Variants in COL6A6 observed in about 807,000 individuals in gnomAD.
The protein encoded by COL6A6 is collagen type VI alpha 6 chain, also known as collagen alpha-6(VI) chain.
A neutral mutation model predicts 208.6 loss-of-function variants in COL6A6; 183 were observed. The ratio of observed to expected loss-of-function variants is 0.88; its 90% CI spans 0.78 to 0.99. COL6A6 has a LOEUF of 0.99. Among genes scored for constraint, COL6A6 ranks in the 50% least tolerant of loss-of-function variants. COL6A6 has a pLI of 0.00. For missense variants in COL6A6, 2,816 were observed against 2,815.2 expected, an observed-to-expected ratio of 1.00 and a Z score of -0.01; for synonymous variants, 973 against 1,011.8, an observed-to-expected ratio of 0.96 and a Z score of 0.73.
At position 130,676,390 on chromosome 3, in the gene COL6A6, A is replaced by G. The variant is rs1404229616; in HGVS notation, c.*993A>G. 1 of 152,236 alleles carries G rather than the reference A, an allele frequency of 6.6e-6. No individual in the cohort carries two copies. The highest frequency in any genetic ancestry group is 1.5e-5 in the Non-Finnish European group (1 of 68,040). 9.4% of individuals were successfully genotyped at this position (152,236 alleles called of 1,614,324 possible). A position where few individuals can be genotyped will look rare whatever the true frequency, so the allele number is the denominator to read the frequency against. ...TGCAAAAGAGATCAGAGTAAGTTAA[A>G]GTAGGAAAGGTTTTATAAAAGTATT... On this transcript the variant is annotated 3_prime_UTR_variant, in exon 37 of 37. Transcript: ENST00000358511.
intron 1 of COL6A6, among the ~76,000 whole-genome samples, chr3:130,532,860 G>A (rs1049153244): frequency 6.6e-6 from 1 of 152,088 alleles, no homozygotes; most frequent in Admixed American, 6.5e-5. Context: ...TGGGAGGGCT[G>A]GATCATCTGG....
At chr3:130,586,403 C>T (rs796507972) in intron 10 of COL6A6, 103 bp from the exon 11 acceptor site, 3 of 1,002,158 alleles carry the variant, frequency 3.0e-6, no homozygotes, top group South Asian at 2.0e-5. Context: ...ACTGACTGTT[C>T]TTCTTGCAGC....
intron 33 of COL6A6, among the ~76,000 whole-genome samples, chr3:130,650,311 G>A (rs960395191): frequency 6.6e-6 from 1 of 152,152 alleles, no homozygotes; most frequent in Admixed American, 6.5e-5. Flanking sequence ...GCAGCAAAGA[G>A]GCATTGGAAA....
chr3:130,554,728 G>A (rs2062728535), intron 1 of COL6A6, among the ~76,000 whole-genome samples: 1 of 152,194 alleles, frequency 6.6e-6, no homozygotes, highest in African/African-American at 2.4e-5. Flanking sequence ...GTCTTCTCAT[G>A]TGCATGCATG....
At chr3:130,659,049 CA>C (rs2065875447) in intron 34 of COL6A6, among the ~76,000 whole-genome samples, 1 of 152,174 alleles carries the variant, frequency 6.6e-6, no homozygotes, top group African/African-American at 2.4e-5. Flanking sequence ...CTTAGAAAAA[CA>C]GCCTATTTCA....
At chr3:130,553,846 GT>G (rs796867068) in intron 1 of COL6A6, among the ~76,000 whole-genome samples, 1,476 of 71,834 alleles carry the variant, frequency 0.021, 27 homozygotes, top group African/African-American at 0.039. Context: ...TTTTTTTTGT[GT>G]TTTTTTTTGT....
At chr3:130,570,782 A>G in intron 6 of COL6A6, 36 bp from the exon 7 acceptor site, 1 of 1,525,060 alleles carries the variant, frequency 6.6e-7, no homozygotes, top group East Asian at 2.3e-5. Flanking sequence ...GTCCAAAGCT[A>G]ATCTCATATG....
chr3:130,583,879 A>G (rs928367516), intron 10 of COL6A6, among the ~76,000 whole-genome samples: 1 of 152,194 alleles, frequency 6.6e-6, no homozygotes, highest in African/African-American at 2.4e-5. Flanking sequence ...GCTGGGCCCT[A>G]TGATCTATTC....
At chr3:130,642,444 T>C (rs1346645972) in intron 29 of COL6A6, among the ~76,000 whole-genome samples, 1 of 152,172 alleles carries the variant, frequency 6.6e-6, no homozygotes, top group East Asian at 1.9e-4. Context: ...ACCTTGAAAC[T>C]TCTGCTATGA....
rs1410085673 is a variant in COL6A6 at position 130,658,041 on chromosome 3, G to GGAAAGGGTTGGGAGTTGTTCAGA, written c.5734-632_5734-610dup. Among the ~76,000 whole-genome samples, 10 of 152,288 alleles carry GGAAAGGGTTGGGAGTTGTTCAGA rather than the reference G, an allele frequency of 6.6e-5. No individual in the cohort carries two copies. The South Asian group carries it at 1.0e-3, about 16-fold the overall frequency. On this transcript the variant is annotated intron_variant, in intron 33 of 36. Coordinates refer to ENST00000358511, the MANE Select transcript of COL6A6 (RefSeq NM_001102608.3). Reference sequence around the variant, plus strand: ...GGTTACTAACAATGGGGCCAAGTTGGGAAAGGGTTGGGAGTTGTTCAGAGA... The same window carrying GGAAAGGGTTGGGAGTTGTTCAGA: ...GGTTACTAACAATGGGGCCAAGTTGGGAAAGGGTTGGGAGTTGTTCAGAGAAAGGGTTGGGAGTTGTTCAGAGA...
Position 130,627,353 on chromosome 3 carries a change from G to C in COL6A6, c.4976G>C (p.Gly1659Ala). 6.2e-7 allele frequency: 1 copy of C among 1,613,778 alleles called. No homozygotes were observed. The highest frequency in any genetic ancestry group is 2.2e-5 in the East Asian group (1 of 44,884). The change falls in exon 26 of 37, where the codon GGA becomes GCA. Residue 1659 changes from glycine (G) to alanine (A), a missense_variant. Gly to Ala is a moderately conservative substitution (Grantham distance 60). Coordinates refer to ENST00000358511, the MANE Select transcript of COL6A6 (RefSeq NM_001102608.3). ...GGCAGTCCAGGTTATGGTAGTGTCG[G>C]ACGCAAGGGAGCAAAGGTAAGTCAA... ...NDGSPGYGSV[G>A]RKGAKGQEGF...
At chr3:130,570,194 T>C (rs2063126647) in intron 6 of COL6A6, among the ~76,000 whole-genome samples, 1 of 152,220 alleles carries the variant, frequency 6.6e-6, no homozygotes, top group South Asian at 2.1e-4. Flanking sequence ...AAAAAGTTAA[T>C]AGCATCATGC....
chr3:130,610,390 C>A (rs916234402), intron 22 of COL6A6, among the ~76,000 whole-genome samples: 2 of 152,114 alleles, frequency 1.3e-5, no homozygotes, highest in African/African-American at 4.8e-5. Flanking sequence ...TGGAAAAGCT[C>A]AACCATTCAG....
intron 33 of COL6A6, among the ~76,000 whole-genome samples, chr3:130,655,473 T>C (rs2065763146): frequency 6.6e-6 from 1 of 152,112 alleles, no homozygotes; most frequent in Non-Finnish European, 1.5e-5. Flanking sequence ...CCAGCCAATA[T>C]AAAAATTACT....
In COL6A6 at chr3:130,675,582, C is replaced by T. The variant is rs552747648; in HGVS notation, c.*185C>T. 2 of 470,636 alleles carry T rather than the reference C, an allele frequency of 4.2e-6. No homozygotes were observed. The highest frequency in any genetic ancestry group is 7.5e-6 in the Non-Finnish European group (2 of 266,224). The allele number at this position is 470,636 out of a possible 1,614,324, so 29.2% of individuals were successfully genotyped here. A position where few individuals can be genotyped will look rare whatever the true frequency, so the allele number is the denominator to read the frequency against. On this transcript the variant is annotated 3_prime_UTR_variant, in exon 37 of 37. Transcript: ENST00000358511. ...GACCACTCCTGACAATTCCAGCACT[C>T]TACGACTGATATGTCGAAGAACTGT...
At chr3:130,544,597 C>A (rs1485067445) in intron 1 of COL6A6, among the ~76,000 whole-genome samples, 3 of 152,298 alleles carry the variant, frequency 2.0e-5, no homozygotes, top group Non-Finnish European at 1.5e-5. Context: ...TTTCTGATTT[C>A]TCTGGGCAAC....
chr3:130,610,641 G>A lies in COL6A6; in HGVS notation c.4753-8G>A, dbSNP rs1321123690. 3 of 1,577,218 alleles carry A rather than the reference G, an allele frequency of 1.9e-6. No individual in the cohort carries two copies. Among genetic ancestry groups the A allele is most frequent in the Non-Finnish European group, 1.7e-6 (2 of 1,159,336 alleles). ...GCAAAAAATAATGCTTTAATTCTAT[G>A]TACTTAGGGCCCAAGAGGAGAGGCT... On this transcript the variant is annotated splice_polypyrimidine_tract_variant and splice_region_variant and intron_variant, in intron 22 of 36. Transcript: ENST00000358511.
intron 1 of COL6A6, among the ~76,000 whole-genome samples, chr3:130,540,353 A>G (rs1460514053): frequency 1.3e-5 from 2 of 152,186 alleles, no homozygotes; most frequent in Non-Finnish European, 2.9e-5. Context: ...ATCATCACCC[A>G]AAGTCCATAA....
chr3:130,579,362 A>G (rs1231691521), intron 8 of COL6A6, among the ~76,000 whole-genome samples: 1 of 152,188 alleles, frequency 6.6e-6, no homozygotes, highest in African/African-American at 2.4e-5. Flanking sequence ...ATTTTTATAG[A>G]CAAGAAAATT....
Sources: gnomAD v4.1 joint callset for allele counts (sites outside exome capture counted in the v4.1 genomes callset) on GRCh38, gnomAD v4.1.1 for gene constraint, MANE v1.5 for transcripts, NCBI Gene and HGNC (gene_info 2026-07-23, HGNC 2026-07-21) for gene names.